C17orf99: variants seen among roughly 807,000 people sequenced by gnomAD.
C17orf99 encodes the protein protein IL-40.
A neutral mutation model predicts 22.6 loss-of-function variants in C17orf99; 18 were observed. The ratio of observed to expected loss-of-function variants is 0.80; its 90% CI spans 0.55 to 1.18. The LOEUF is 1.18. Ranked by LOEUF, C17orf99 falls within the 50% of genes most tolerant of loss-of-function variation. The pLI, the probability that C17orf99 is intolerant of heterozygous loss-of-function variation, is 0.00. For synonymous variants in C17orf99, 147 were observed against 136.6 expected (o/e 1.08, Z -0.53); for missense variants, 328 against 342.7 (o/e 0.96, Z 0.34).
chr17:78,150,524 A>T (rs1411233338), intron 2 of C17orf99, among the ~76,000 whole-genome samples: 1 of 152,200 alleles, frequency 6.6e-6, no homozygotes, highest in Non-Finnish European at 1.5e-5. Context: ...AAGGAGGGAT[A>T]GGTGTTGGTA....
chr17:78,147,213 T>A (rs542729445), intron 2 of C17orf99, among the ~76,000 whole-genome samples: 1 of 152,312 alleles, frequency 6.6e-6, no homozygotes, highest in Non-Finnish European at 1.5e-5. Context: ...TGCATCCTCA[T>A]CACTCTGCCC....
chr17:78,160,892 C>T (rs1407414484), intron 2 of C17orf99, 63 bp from the exon 3 acceptor site: 1 of 1,401,408 alleles, frequency 7.1e-7, no homozygotes, highest in Admixed American at 2.2e-5. Context: ...AAACCAGTAC[C>T]TTCTTAAGGT....
At chr17:78,159,848 GT>G (rs1271125915) in intron 2 of C17orf99, among the ~76,000 whole-genome samples, 1 of 152,100 alleles carries the variant, frequency 6.6e-6, no homozygotes, top group African/African-American at 2.4e-5. Flanking sequence ...CTGCCTTTTT[GT>G]TTAGTGGAAT....
chr17:78,148,134 G>A (rs895753509), intron 2 of C17orf99, among the ~76,000 whole-genome samples: 9 of 151,358 alleles, frequency 5.9e-5, no homozygotes, highest in African/African-American at 1.9e-4. Context: ...CTGTTATCCC[G>A]CACTTTGGGA....
At chr17:78,158,058 G>T in intron 2 of C17orf99, 1 of 1,281,476 alleles carries the variant, frequency 7.8e-7, no homozygotes, top group African/African-American at 1.5e-5. Flanking sequence ...CTCCAGGACA[G>T]CATGGAGGTG....
intron 2 of C17orf99, 111 bp from the exon 3 acceptor site, chr17:78,160,844 A>T: frequency 1.2e-6 from 1 of 836,492 alleles, no homozygotes; most frequent in Non-Finnish European, 1.9e-6. Flanking sequence ...GGACCTCCCA[A>T]ACACTGGGAT....
chr17:78,158,098 C>G, intron 2 of C17orf99: 1 of 953,948 alleles, frequency 1.0e-6, no homozygotes, highest in Non-Finnish European at 1.7e-6. Context: ...ATGAGGGAGA[C>G]CTTGGCAAAG....
At chr17:78,165,836 G>T in intron 4 of C17orf99, 53 bp from the exon 5 acceptor site, 1 of 1,279,282 alleles carries the variant, frequency 7.8e-7, no homozygotes, top group Non-Finnish European at 1.0e-6. Context: ...GCCTCGGGAG[G>T]GGATGGCTGG....
upstream of C17orf99, chr17:78,146,346 G>A (rs1283892164): frequency 2.0e-6 from 3 of 1,480,152 alleles, no homozygotes; most frequent in East Asian, 2.5e-5. The surrounding 1 kb of genome is among the most constrained non-coding windows in gnomAD (Gnocchi z 5.2). Context: ...GCCTCAGGGT[G>A]GGGGAGGCCA....
intron 2 of C17orf99, among the ~76,000 whole-genome samples, chr17:78,153,899 A>C (rs556697988): frequency 6.7e-6 from 1 of 148,182 alleles, no homozygotes; most frequent in South Asian, 2.1e-4. Flanking sequence ...TGTTTAGGGA[A>C]AAAAAAAAAG....
intron 2 of C17orf99, among the ~76,000 whole-genome samples, chr17:78,148,871 A>G (rs2075456044): frequency 6.6e-6 from 1 of 152,160 alleles, no homozygotes; most frequent in South Asian, 2.1e-4. Flanking sequence ...CACTGTGTGG[A>G]TGGAGATCAA....
intron 2 of C17orf99, among the ~76,000 whole-genome samples, chr17:78,154,473 G>A (rs1277765710): frequency 3.3e-5 from 5 of 152,098 alleles, no homozygotes; most frequent in South Asian, 2.1e-4. Context: ...GCTTGAACCC[G>A]GGAGGCAGAG....
chr17:78,165,098 C>G (rs1245359223), intron 4 of C17orf99: 1 of 1,049,888 alleles, frequency 9.5e-7, no homozygotes, highest in Non-Finnish European at 1.1e-6. Context: ...TCCCAGGGTC[C>G]CCTCTCCAAG....
rs1389691243 is a variant in C17orf99 at position 78,146,453 on chromosome 17, A to G, written c.37+9A>G. The G allele has an allele frequency of 6.5e-7, 1 of 1,549,692 alleles. No homozygotes were observed. Among genetic ancestry groups the G allele is most frequent in the South Asian group, 1.2e-5 (1 of 84,032 alleles). ...CTGCTTGGCCGTGCTGGGTGAGTCC[A>G]CCAGGGACGTGATGGTGGGGCTGCT... On this transcript the variant is annotated intron_variant, in intron 1 of 4. Coordinates refer to ENST00000340363, the MANE Select transcript of C17orf99 (RefSeq NM_001163075.2). The surrounding 1 kb of genome is among the most constrained non-coding windows in gnomAD (Gnocchi z 5.2).
At chr17:78,146,032 C>T (rs1045520820), upstream of C17orf99, among the ~76,000 whole-genome samples, 2 of 152,126 alleles carry the variant, frequency 1.3e-5, no homozygotes, top group Non-Finnish European at 2.9e-5. The surrounding 1 kb of genome is among the most constrained non-coding windows in gnomAD (Gnocchi z 5.2). Flanking sequence ...AGGTGATCCG[C>T]CCATCCAGGC....
At chr17:78,159,614 TCAG>T (rs1052139121) in intron 2 of C17orf99, among the ~76,000 whole-genome samples, 14 of 148,552 alleles carry the variant, frequency 9.4e-5, no homozygotes, top group Admixed American at 4.7e-4. Context: ...AAGTGATAAT[TCAG>T]CAGCATTTAG....
At position 78,147,485 on chromosome 17, in the gene C17orf99, G is replaced by T. The variant is rs536301619; in HGVS notation, c.70+574G>T. ...GGTACAGGACCAGGGAGGAGGGGAC[G>T]CTGGGGAAGGTCCCTGACAGCCCCT... is the stretch of plus-strand genomic sequence containing the variant. On this transcript the variant is annotated intron_variant, in intron 2 of 4. Transcript: ENST00000340363. Among the ~76,000 whole-genome samples, 4 of 152,258 alleles carry T rather than the reference G, an allele frequency of 2.6e-5. No homozygotes were observed. In the East Asian group the frequency reaches 7.7e-4, roughly 29 times the overall value.
At chr17:78,157,890 G>T in intron 2 of C17orf99, 1 of 1,164,060 alleles carries the variant, frequency 8.6e-7, no homozygotes, top group Non-Finnish European at 1.3e-6. Context: ...TCGATGACTG[G>T]CAAGCACGGC....
chr17:78,154,247 C>T (rs1032040231), intron 2 of C17orf99, among the ~76,000 whole-genome samples: 10 of 151,952 alleles, frequency 6.6e-5, no homozygotes, highest in Admixed American at 2.0e-4. Flanking sequence ...GTATTCTTCC[C>T]CATCTAAAAA....
Sources: gnomAD v4.1 joint callset for allele counts (sites outside exome capture counted in the v4.1 genomes callset) on GRCh38, gnomAD v4.1.1 for gene constraint, Gnocchi (gnomAD v3.1) non-coding constraint, MANE v1.5 for transcripts, NCBI Gene and HGNC (gene_info 2026-07-23, HGNC 2026-07-21) for gene names.